The following GPM6B variants were observed in gnomAD, a reference collection of about 807,000 sequenced individuals.
GPM6B encodes the protein neuronal membrane glycoprotein M6-b.
GPM6B carries 4 observed loss-of-function variants against 27.2 expected under a neutral mutation model. The ratio of observed to expected loss-of-function variants is 0.15; its 90% CI spans 0.07 to 0.34. GPM6B has a LOEUF of 0.34. Among genes scored for constraint, GPM6B ranks in the 10% least tolerant of loss-of-function variants. The pLI is 1.00. For missense variants in GPM6B, 183 were observed against 261.9 expected, an observed-to-expected ratio of 0.70 and a Z score of 2.08; for synonymous variants, 124 against 103.1, an observed-to-expected ratio of 1.20 and a Z score of -1.23.
chrX:13,902,685 G>C (rs748432714), intron 1 of GPM6B, among the ~76,000 whole-genome samples: 3 of 111,025 alleles, frequency 2.7e-5, no homozygotes, highest in Non-Finnish European at 3.8e-5. Context: ...TCTCCTACCC[G>C]GTCAGGGCTC....
rs778466618 is a variant in GPM6B, at chrX:13,780,015, A to C, written c.526-26T>G. On this transcript the variant is annotated intron_variant, in intron 4 of 7. Coordinates refer to ENST00000316715, the MANE Select transcript of GPM6B (RefSeq NM_001001995.3). ...CTAGGCCAAAACAAGAGGAAGGACAATCATCACTGAAACAGGTAGATGTGT... is the reference window on the plus strand; with the variant it reads ...CTAGGCCAAAACAAGAGGAAGGACACTCATCACTGAAACAGGTAGATGTGT... 2.0e-5 allele frequency: 23 copies of C among 1,137,022 alleles called. No individual in the cohort carries two copies. The African/African-American group carries it at 3.2e-4, about 16-fold the overall frequency. 93.7% of individuals were successfully genotyped at this position (1,137,022 alleles called of 1,213,427 possible).
chrX:13,773,442 T>C (rs2048340436), intron 7 of GPM6B: 1 of 115,017 alleles, frequency 8.7e-6, no homozygotes, highest in African/African-American at 3.3e-5. Context: ...TAAAAATCAA[T>C]TCCCCCAAAG....
intron 1 of GPM6B, among the ~76,000 whole-genome samples, chrX:13,926,029 T>C (rs1921163952): frequency 1.9e-5 from 2 of 104,143 alleles, no homozygotes; most frequent in Non-Finnish European, 1.9e-5. Flanking sequence ...CACTCCAGCC[T>C]GGGCAACAGA....
chrX:13,793,506 G>A (rs980446142), intron 2 of GPM6B, among the ~76,000 whole-genome samples: 3 of 111,952 alleles, frequency 2.7e-5, no homozygotes, highest in Non-Finnish European at 5.6e-5. Flanking sequence ...AGATAGCTTT[G>A]GGTTCACAGT....
intron 1 of GPM6B, among the ~76,000 whole-genome samples, chrX:13,843,503 A>G (rs2049605755): frequency 8.9e-6 from 1 of 112,249 alleles, no homozygotes; most frequent in African/African-American, 3.2e-5. Flanking sequence ...ATATTTAACC[A>G]TTAGAGAAAC....
chrX:13,778,418 TTC>T (rs1330129086), intron 5 of GPM6B, among the ~76,000 whole-genome samples: 1 of 112,440 alleles, frequency 8.9e-6, no homozygotes, highest in Non-Finnish European at 1.9e-5. Context: ...AGTCTATGAT[TTC>T]TCTCTCACTT....
chrX:13,797,777 T>A (rs1468796278), intron 2 of GPM6B, among the ~76,000 whole-genome samples: 1 of 111,331 alleles, frequency 9.0e-6, no homozygotes, highest in Non-Finnish European at 1.9e-5. Context: ...GGTTTATTCA[T>A]GGGGGCAGGA....
chrX:13,803,110 A>G (rs1000461282), intron 2 of GPM6B, among the ~76,000 whole-genome samples: 1 of 111,924 alleles, frequency 8.9e-6, no homozygotes, highest in African/African-American at 3.2e-5. Context: ...ATCCAGTAGC[A>G]TTTCCCAGGA....
chrX:13,870,840 G>A (rs938901750), intron 1 of GPM6B, among the ~76,000 whole-genome samples: 6 of 111,444 alleles, frequency 5.4e-5, no homozygotes, highest in Non-Finnish European at 5.6e-5. Flanking sequence ...GGCTAAGTCT[G>A]GCACCTTCCA....
intron 1 of GPM6B, among the ~76,000 whole-genome samples, chrX:13,929,954 A>G (rs2147078212): frequency 8.9e-6 from 1 of 112,222 alleles, no homozygotes; most frequent in East Asian, 2.8e-4. Flanking sequence ...AAACAAATAA[A>G]TACCCAAGCA....
At chrX:13,932,954 A>G (rs1399705658) in intron 1 of GPM6B, among the ~76,000 whole-genome samples, 1 of 112,103 alleles carries the variant, frequency 8.9e-6, no homozygotes, top group Non-Finnish European at 1.9e-5. Context: ...CAGCAATCAA[A>G]TTACTTCTAA....
intron 1 of GPM6B, among the ~76,000 whole-genome samples, chrX:13,883,793 A>G (rs1279002475): frequency 1.8e-5 from 2 of 110,852 alleles, no homozygotes; most frequent in Non-Finnish European, 3.8e-5. Context: ...GGCTGCAGTG[A>G]GCTATGATTG....
In GPM6B at chrX:13,779,906, G is replaced by A. The variant is rs2048484126; in HGVS notation, c.609C>T (p.Asn203=). Residue 203 remains asparagine (N), a synonymous_variant, in exon 5 of 8, where the codon AAC becomes AAT. Transcript: ENST00000316715. ...FSAVPVFMFY[N]IWSTCEVIKS... ...TGATGACTTCACAAGTTGACCATATGTTGTAGAACATAAACACGGGCACCG... is the reference window on the plus strand; with the variant it reads ...TGATGACTTCACAAGTTGACCATATATTGTAGAACATAAACACGGGCACCG... The A allele has an allele frequency of 8.3e-7, 1 of 1,203,484 alleles. No homozygotes were observed. The highest frequency in any genetic ancestry group is 1.1e-6 in the Non-Finnish European group (1 of 889,437).
At chrX:13,811,452 T>G (rs777721173) in intron 1 of GPM6B, among the ~76,000 whole-genome samples, 3 of 112,370 alleles carry the variant, frequency 2.7e-5, no homozygotes, top group Non-Finnish European at 5.6e-5. Flanking sequence ...AAAGCTATAT[T>G]TGTTATCTTT....
intron 1 of GPM6B, among the ~76,000 whole-genome samples, chrX:13,924,394 G>C (rs1422591439): frequency 9.0e-6 from 1 of 111,265 alleles, no homozygotes; most frequent in East Asian, 2.8e-4. Context: ...TGATCTACTA[G>C]GCTCAAGCAA....
At chrX:13,791,376 A>AT (rs983658924) in intron 2 of GPM6B, among the ~76,000 whole-genome samples, 2 of 110,483 alleles carry the variant, frequency 1.8e-5, no homozygotes, top group Non-Finnish European at 3.8e-5. Flanking sequence ...CATCCAGCTA[A>AT]TTTTTTGTAT....
Position 13,856,465 on chromosome X carries a change from ATTTTAAC to A in GPM6B, c.-197-70664_-197-70658del, listed in dbSNP as rs1337616591. Among the ~76,000 whole-genome samples, 4 of 111,970 alleles carry A rather than the reference ATTTTAAC, an allele frequency of 3.6e-5. No homozygotes were observed. In the Admixed American group the frequency reaches 3.8e-4, roughly 11 times the overall value. On this transcript the variant is annotated intron_variant, in intron 1 of 6. Transcript: ENST00000398361. ...CAGACCCCCCTGAATCAGAATCTGC[ATTTTAAC>A]AAGATCCCCAGGTGGTCCTATGCAC...
chrX:13,833,178 G>A (rs971152654), intron 1 of GPM6B, among the ~76,000 whole-genome samples: 8 of 111,369 alleles, frequency 7.2e-5, no homozygotes, highest in Admixed American at 1.9e-4. Flanking sequence ...ATATCCACTC[G>A]CATTAACCCA....
chrX:13,842,414 A>G (rs2049588408), intron 1 of GPM6B, among the ~76,000 whole-genome samples: 1 of 111,802 alleles, frequency 8.9e-6, no homozygotes, highest in African/African-American at 3.3e-5. Context: ...CACCTAACAC[A>G]TTACGTCGGT....
Sources: gnomAD v4.1 joint callset for allele counts (sites outside exome capture counted in the v4.1 genomes callset) on GRCh38, gnomAD v4.1.1 for gene constraint, MANE v1.5 for transcripts, NCBI Gene and HGNC (gene_info 2026-07-23, HGNC 2026-07-21) for gene names.